The following PACSIN2 variants were observed in gnomAD, a reference collection of about 807,000 sequenced individuals.
PACSIN2 encodes the protein protein kinase C and casein kinase substrate in neurons protein 2.
PACSIN2 carries 25 observed loss-of-function variants against 63.8 expected under a neutral mutation model. The observed-to-expected ratio is 0.39, with a 90% CI of 0.29 to 0.55. The LOEUF is 0.55. Ranked by LOEUF, PACSIN2 falls within the 20% of genes least tolerant of loss-of-function variation. The pLI, the probability that PACSIN2 is intolerant of heterozygous loss-of-function variation, is 0.62. For synonymous variants in PACSIN2, 255 were observed against 256.2 expected (o/e 1.00, Z 0.05); for missense variants, 518 against 646.9 (o/e 0.80, Z 2.16).
At chr22:42,932,452 G>A (rs947837643) in intron 1 of PACSIN2, among the ~76,000 whole-genome samples, 1 of 152,186 alleles carries the variant, frequency 6.6e-6, no homozygotes, top group African/African-American at 2.4e-5. Flanking sequence ...AATTCCAGAA[G>A]CGTATCTCAC....
intron 1 of PACSIN2, among the ~76,000 whole-genome samples, chr22:42,971,947 C>T (rs1164004637): frequency 4.0e-5 from 6 of 151,358 alleles, no homozygotes; most frequent in African/African-American, 7.3e-5. Flanking sequence ...TGCCTCTGCC[C>T]GGCCGCCCCG....
At chr22:42,955,476 GAA>G (rs112592077) in intron 1 of PACSIN2, among the ~76,000 whole-genome samples, 4 of 144,494 alleles carry the variant, frequency 2.8e-5, no homozygotes, top group African/African-American at 1.0e-4. Context: ...GCATCAGGGG[GAA>G]AAAAAAAAAG....
At chr22:42,995,710 A>C (rs568658195) in intron 1 of PACSIN2, among the ~76,000 whole-genome samples, 5 of 152,238 alleles carry the variant, frequency 3.3e-5, no homozygotes, top group Non-Finnish European at 7.3e-5. Context: ...TCCACCAGAC[A>C]GAGGCCTTAA....
At chr22:43,013,052 C>CAA (rs1294007137) in intron 1 of PACSIN2, among the ~76,000 whole-genome samples, 2 of 151,888 alleles carry the variant, frequency 1.3e-5, no homozygotes, top group Non-Finnish European at 2.9e-5. Flanking sequence ...TCGGCCTTCC[C>CAA]AAGTGCTGGG....
intron 1 of PACSIN2, among the ~76,000 whole-genome samples, chr22:42,982,682 G>T (rs1490205797): frequency 6.0e-5 from 8 of 133,448 alleles, no homozygotes; most frequent in Non-Finnish European, 9.5e-5. Flanking sequence ...CAGCATGCTC[G>T]TTAAGAGTCA....
intron 1 of PACSIN2, among the ~76,000 whole-genome samples, chr22:43,001,487 G>A (rs1923763689): frequency 1.3e-5 from 2 of 152,238 alleles, no homozygotes; most frequent in African/African-American, 4.8e-5. Flanking sequence ...TTGTTTTACT[G>A]ACAGAAGAAG....
chr22:42,933,310 T>A (rs2146780636), intron 1 of PACSIN2, among the ~76,000 whole-genome samples: 1 of 152,330 alleles, frequency 6.6e-6, no homozygotes, highest in African/African-American at 2.4e-5. Flanking sequence ...AAGGTACCTC[T>A]CTGAATAATC....
At chr22:42,977,360 G>A (rs936802197) in intron 1 of PACSIN2, among the ~76,000 whole-genome samples, 81 of 152,024 alleles carry the variant, frequency 5.3e-4, no homozygotes, top group African/African-American at 1.5e-3. Flanking sequence ...ACGGAAAAAC[G>A]GAGAAAGGAT....
chr22:42,885,553 C>G (rs1929413987), intron 5 of PACSIN2, among the ~76,000 whole-genome samples: 1 of 152,122 alleles, frequency 6.6e-6, no homozygotes. Flanking sequence ...GCCTATCGGG[C>G]ACCCTCTCTG....
At chr22:42,891,239 C>T in intron 3 of PACSIN2, 57 bp from the exon 4 acceptor site, 1 of 1,137,292 alleles carries the variant, frequency 8.8e-7, no homozygotes, top group Non-Finnish European at 1.3e-6. Flanking sequence ...GGGGTCTGCT[C>T]TGCTCACACC....
At chr22:42,878,596 C>T (rs1928826188) in intron 8 of PACSIN2, among the ~76,000 whole-genome samples, 1 of 152,226 alleles carries the variant, frequency 6.6e-6, no homozygotes, top group African/African-American at 2.4e-5. Flanking sequence ...GCCTGGCAGT[C>T]CTCTCCTGTC....
rs992982416 is a variant in PACSIN2 at position 43,015,121 on chromosome 22, G to A, written c.-178C>T. ...GCTTTTGCTCCGGCAGCACTGCCCA[G>A]CCCTGCCCAGACCCCTGCGGCCGCT... On this transcript the variant is annotated 5_prime_UTR_variant, in exon 1 of 11. Coordinates refer to ENST00000263246, the MANE Select transcript of PACSIN2 (RefSeq NM_001184970.3). The A allele has an allele frequency of 2.0e-5, 3 of 153,170 alleles. No homozygotes were observed. Among genetic ancestry groups the A allele is most frequent in the Non-Finnish European group, 4.3e-5 (3 of 68,988 alleles). 9.5% of individuals were successfully genotyped at this position (153,170 alleles called of 1,614,324 possible).
chr22:42,960,965 A>G (rs1934111495), intron 1 of PACSIN2, among the ~76,000 whole-genome samples: 1 of 152,230 alleles, frequency 6.6e-6, no homozygotes, highest in Admixed American at 6.5e-5. Context: ...CAAGGGATCA[A>G]TTTCTGCTAG....
At chr22:42,914,483 CCTTG>C (rs1286228495) in intron 1 of PACSIN2, among the ~76,000 whole-genome samples, 1 of 152,214 alleles carries the variant, frequency 6.6e-6, no homozygotes, top group Non-Finnish European at 1.5e-5. Context: ...GATCCACCCA[CCTTG>C]CCCTCCCGAA....
At chr22:42,957,967 A>AT (rs2146843483) in intron 1 of PACSIN2, among the ~76,000 whole-genome samples, 1 of 152,264 alleles carries the variant, frequency 6.6e-6, no homozygotes, top group South Asian at 2.1e-4. Context: ...TTTTTAAGAA[A>AT]TGTCAATGCT....
At chr22:42,996,420 T>A (rs2146911168) in intron 1 of PACSIN2, among the ~76,000 whole-genome samples, 1 of 150,854 alleles carries the variant, frequency 6.6e-6, no homozygotes, top group South Asian at 2.1e-4. Context: ...TAATCCCAGC[T>A]ACTGGGAAGG....
chr22:42,897,821 G>A (rs1181997886), intron 2 of PACSIN2, among the ~76,000 whole-genome samples: 3 of 152,210 alleles, frequency 2.0e-5, no homozygotes, highest in Non-Finnish European at 4.4e-5. Flanking sequence ...CCAGATTAAA[G>A]GTGAGGCCAG....
intron 1 of PACSIN2, among the ~76,000 whole-genome samples, chr22:42,943,400 T>C (rs184446998): frequency 1.3e-5 from 2 of 152,280 alleles, no homozygotes; most frequent in Admixed American, 6.5e-5. Context: ...AACTTCGAAG[T>C]TCCTGGTTAG....
chr22:42,981,103 C>A (rs1176946389), intron 1 of PACSIN2, among the ~76,000 whole-genome samples: 1 of 143,934 alleles, frequency 6.9e-6, no homozygotes, highest in African/African-American at 2.6e-5. Flanking sequence ...GGCCGCCCAT[C>A]GTCTGAGATG....
Sources: gnomAD v4.1 joint callset for allele counts (sites outside exome capture counted in the v4.1 genomes callset) on GRCh38, gnomAD v4.1.1 for gene constraint, MANE v1.5 for transcripts, NCBI Gene and HGNC (gene_info 2026-07-23, HGNC 2026-07-21) for gene names.